Variants in CUL1 observed in about 807,000 individuals in gnomAD.
CUL1 encodes cullin 1.
CUL1 carries 24 observed loss-of-function variants against 118.0 expected under a neutral mutation model. That is an observed-to-expected ratio of 0.20 (90% confidence interval 0.15 to 0.29). The LOEUF is 0.29. CUL1 is among the 10% of genes least tolerant of loss of function. The probability of loss-of-function intolerance (pLI) is 1.00; values close to 1 mark genes in which losing one functional copy is unlikely to be tolerated. For missense variants in CUL1, 361 were observed against 933.8 expected (o/e 0.39, Z 7.99); for synonymous variants, 332 against 340.4 (o/e 0.98, Z 0.27).
At chr7:148,770,359 A>G (rs1009210855) in intron 9 of CUL1, among the ~76,000 whole-genome samples, 1 of 152,226 alleles carries the variant, frequency 6.6e-6, no homozygotes, top group Non-Finnish European at 1.5e-5. Flanking sequence ...CCCACGTTGC[A>G]TCTGCCTTCA....
intron 17 of CUL1, among the ~76,000 whole-genome samples, chr7:148,795,605 A>T (rs1238319437): frequency 6.6e-6 from 1 of 152,052 alleles, no homozygotes; most frequent in Non-Finnish European, 1.5e-5. Context: ...TCTCTACTAA[A>T]AATACAAAAA....
intron 16 of CUL1, among the ~76,000 whole-genome samples, chr7:148,792,454 T>C (rs951939263): frequency 1.1e-4 from 16 of 152,260 alleles, no homozygotes; most frequent in African/African-American, 3.9e-4. Context: ...ATCTATAGTA[T>C]GTATCCACAT....
intron 1 of CUL1, among the ~76,000 whole-genome samples, chr7:148,703,584 G>A (rs1797785911): frequency 1.3e-5 from 2 of 152,142 alleles, no homozygotes; most frequent in South Asian, 4.1e-4. Context: ...CCCCACTGGA[G>A]TGCAGTGGCG....
chr7:148,733,145 A>G (rs1798819898), intron 2 of CUL1, among the ~76,000 whole-genome samples: 1 of 152,172 alleles, frequency 6.6e-6, no homozygotes, highest in African/African-American at 2.4e-5. Flanking sequence ...AATTGCCTTT[A>G]GACACTCTAT....
chr7:148,725,225 A>G (rs35718773), intron 1 of CUL1, among the ~76,000 whole-genome samples: 3,009 of 138,822 alleles, frequency 0.022, 61 homozygotes, highest in Middle Eastern at 0.039. Flanking sequence ...GCGCGCTCAC[A>G]CACACACACA....
intron 1 of CUL1, among the ~76,000 whole-genome samples, chr7:148,723,104 A>T (rs1390295786): frequency 6.6e-6 from 1 of 152,250 alleles, no homozygotes; most frequent in Non-Finnish European, 1.5e-5. Flanking sequence ...GAAAGAACTT[A>T]CAAGGTCACA....
At chr7:148,745,704 T>C (rs1007185686) in intron 2 of CUL1, among the ~76,000 whole-genome samples, 24 of 151,992 alleles carry the variant, frequency 1.6e-4, no homozygotes, top group African/African-American at 5.8e-4. Context: ...AAACGTTGAT[T>C]GGTCAAAGAA....
intron 2 of CUL1, among the ~76,000 whole-genome samples, chr7:148,747,982 A>G (rs993852573): frequency 6.6e-6 from 1 of 152,258 alleles, no homozygotes; most frequent in Admixed American, 6.5e-5. Context: ...AAATATTTGA[A>G]GAGGTAATAG....
chr7:148,717,043 TTTTTGTTTTGTTTTG>T (rs371522501), intron 1 of CUL1, among the ~76,000 whole-genome samples: 26 of 150,622 alleles, frequency 1.7e-4, no homozygotes, highest in African/African-American at 5.8e-4. Context: ...TTGTTTTTCA[TTTTTGTTTTGTTTTG>T]TTTTGTTTTG....
Position 148,785,785 on chromosome 7 carries a change from C to T in CUL1, c.1299-766C>T, listed in dbSNP as rs910373397. Among the ~76,000 whole-genome samples, 3 of 152,130 alleles carry T rather than the reference C, an allele frequency of 2.0e-5. No individual in the cohort carries two copies. In the South Asian group the frequency reaches 6.2e-4, roughly 32 times the overall value. On this transcript the variant is annotated intron_variant, in intron 11 of 21. Coordinates refer to ENST00000325222, the MANE Select transcript of CUL1 (RefSeq NM_003592.3). ...ATTTCCACAGCACCTCTTTAATGAGCGTGTGTTGGGTGAGTGGAGTCAGGG... is the reference window on the plus strand; with the variant it reads ...ATTTCCACAGCACCTCTTTAATGAGTGTGTGTTGGGTGAGTGGAGTCAGGG...
rs1801265982 is a variant in CUL1, at chr7:148,798,031, C to T, written c.2030+12C>T. The T allele has an allele frequency of 6.6e-7, 1 of 1,506,208 alleles. No homozygotes were observed. Among genetic ancestry groups the T allele is most frequent in the South Asian group, 1.1e-5 (1 of 87,736 alleles). The allele number at this position is 1,506,208 out of a possible 1,614,324, so 93.3% of individuals were successfully genotyped here. On this transcript the variant is annotated intron_variant, in intron 19 of 21. Coordinates refer to ENST00000325222, the MANE Select transcript of CUL1 (RefSeq NM_003592.3). ...CTTGGTTATAAAAAGTAAGAAAAATCTAATAAGTAGATGGCCCTTGACCAT... is the reference window on the plus strand; with the variant it reads ...CTTGGTTATAAAAAGTAAGAAAAATTTAATAAGTAGATGGCCCTTGACCAT...
chr7:148,711,599 G>T (rs1798053259), intron 1 of CUL1, among the ~76,000 whole-genome samples: 1 of 152,244 alleles, frequency 6.6e-6, no homozygotes, highest in Non-Finnish European at 1.5e-5. Context: ...GAAACGGGAA[G>T]TGTATTTGAA....
In CUL1 at chr7:148,713,779, A is replaced by G. The variant is rs530756881; in HGVS notation, c.-162+14750A>G. 5.3e-5 allele frequency among the ~76,000 whole-genome samples: 8 copies of G among 152,320 alleles called. No individual in the cohort carries two copies. The South Asian group carries it at 1.5e-3, about 28-fold the overall frequency. The stretch of plus-strand genomic sequence containing the variant: ...CATTCTGTCGCCTAGGCTAGAGTGC[A>G]GTGGTGCAATCTCGGCTCACTGCAA... On this transcript the variant is annotated intron_variant, in intron 1 of 21. Coordinates refer to ENST00000325222, the MANE Select transcript of CUL1 (RefSeq NM_003592.3).
At chr7:148,798,115 C>G (rs904934255) in intron 19 of CUL1, 96 bp downstream of exon 19, 18 of 696,242 alleles carry the variant, frequency 2.6e-5, no homozygotes, top group Non-Finnish European at 3.6e-5. Context: ...CCAAGGGAGA[C>G]CGGGGACTCA....
intron 9 of CUL1, among the ~76,000 whole-genome samples, chr7:148,769,372 TA>T (rs1800126592): frequency 6.7e-6 from 1 of 149,172 alleles, no homozygotes; most frequent in Non-Finnish European, 1.5e-5. Context: ...ATTTCCAAGC[TA>T]AATGTTCCTT....
At chr7:148,716,304 G>A (rs1305066065) in intron 1 of CUL1, among the ~76,000 whole-genome samples, 1 of 152,042 alleles carries the variant, frequency 6.6e-6, no homozygotes, top group Non-Finnish European at 1.5e-5. Context: ...ATAATTTCAA[G>A]GTGTTGATGA....
At chr7:148,730,368 A>G (rs984784853) in intron 2 of CUL1, 106 bp downstream of exon 2, 3 of 1,260,308 alleles carry the variant, frequency 2.4e-6, no homozygotes, top group Non-Finnish European at 3.2e-6. Context: ...CCAGTTCATC[A>G]TGTAAAATAA....
chr7:148,756,622 C>CCA (rs1799668838), intron 3 of CUL1, among the ~76,000 whole-genome samples: 1 of 152,066 alleles, frequency 6.6e-6, no homozygotes. Flanking sequence ...GAGGTGTGAG[C>CCA]CACTGTACCC....
chr7:148,766,511 A>C (rs755228632), intron 7 of CUL1, 50 bp from the exon 8 acceptor site: 4 of 1,461,246 alleles, frequency 2.7e-6, no homozygotes, highest in Non-Finnish European at 3.7e-6. Context: ...GAATTGTAAC[A>C]GTTCTTTACC....
Sources: gnomAD v4.1 joint callset for allele counts (sites outside exome capture counted in the v4.1 genomes callset) on GRCh38, gnomAD v4.1.1 for gene constraint, MANE v1.5 for transcripts, NCBI Gene and HGNC (gene_info 2026-07-23, HGNC 2026-07-21) for gene names.